FHIP1A: variants seen among roughly 807,000 people sequenced by gnomAD.
FHIP1A encodes the protein FHF complex subunit HOOK-interacting protein 1A.
FHIP1A carries 61 observed loss-of-function variants against 88.6 expected under a neutral mutation model. That is an observed-to-expected ratio of 0.69 (90% CI 0.56 to 0.85). The LOEUF (loss-of-function observed/expected upper bound fraction) is 0.85. Among genes scored for constraint, FHIP1A ranks in the 40% least tolerant of loss-of-function variants. FHIP1A has a pLI of 0.00. For synonymous variants in FHIP1A, 478 were observed against 496.0 expected, an observed-to-expected ratio of 0.96 and a Z score of 0.48; for missense variants, 1,154 against 1,273.5, an observed-to-expected ratio of 0.91 and a Z score of 1.43.
intron 8 of FHIP1A, among the ~76,000 whole-genome samples, chr4:151,634,881 A>G (rs1171380097): frequency 6.6e-6 from 1 of 151,882 alleles, no homozygotes; most frequent in Non-Finnish European, 1.5e-5. Flanking sequence ...GCGTAGGGAA[A>G]AATAAGACAG....
intron 6 of FHIP1A, among the ~76,000 whole-genome samples, chr4:151,587,643 A>G (rs1734271114): frequency 6.6e-6 from 1 of 151,948 alleles, no homozygotes; most frequent in African/African-American, 2.4e-5. Flanking sequence ...CATTAGGTAT[A>G]TCTCCTAAGA....
chr4:151,610,464 A>G (rs528645771), intron 7 of FHIP1A, among the ~76,000 whole-genome samples: 46 of 152,350 alleles, frequency 3.0e-4, no homozygotes, highest in African/African-American at 1.1e-3. Flanking sequence ...AGAGAATTGT[A>G]GAAATCAGGT....
chr4:151,555,016 T>C (rs1732891133), intron 3 of FHIP1A, among the ~76,000 whole-genome samples: 1 of 152,196 alleles, frequency 6.6e-6, no homozygotes, highest in African/African-American at 2.4e-5. Flanking sequence ...TAATCACTTT[T>C]TTGGGATAGC....
intron 3 of FHIP1A, among the ~76,000 whole-genome samples, chr4:151,490,188 A>G (rs1028155388): frequency 3.3e-5 from 5 of 152,218 alleles, no homozygotes; most frequent in Admixed American, 2.0e-4. Context: ...CACAGCTAGC[A>G]TAACCAGCAT....
intron 3 of FHIP1A, among the ~76,000 whole-genome samples, chr4:151,504,826 C>T (rs1690541364): frequency 6.6e-6 from 1 of 152,138 alleles, no homozygotes; most frequent in Admixed American, 6.5e-5. Context: ...CCACGTTGGC[C>T]AGGCTGGTCT....
intron 1 of FHIP1A, among the ~76,000 whole-genome samples, chr4:151,424,056 T>A (rs1452117044): frequency 6.6e-6 from 1 of 152,220 alleles, no homozygotes. Flanking sequence ...CCACCTACAC[T>A]TTCTGTCTTA....
intron 1 of FHIP1A, among the ~76,000 whole-genome samples, chr4:151,415,425 G>T (rs1554075984): frequency 6.6e-6 from 1 of 152,080 alleles, no homozygotes; most frequent in Non-Finnish European, 1.5e-5. Context: ...TGATCCACCT[G>T]CCTTGACCTC....
At chr4:151,582,354 C>CT (rs777112894) in intron 5 of FHIP1A, among the ~76,000 whole-genome samples, 2,921 of 145,704 alleles carry the variant, frequency 0.02, 45 homozygotes, top group African/African-American at 0.047. Flanking sequence ...ATCTTTCTTT[C>CT]TTTTTTTTTT....
In FHIP1A at chr4:151,596,890, T is replaced by C. The variant is rs575516730; in HGVS notation, c.978+7964T>C. 7.9e-5 allele frequency among the ~76,000 whole-genome samples: 12 copies of C among 152,302 alleles called. No homozygotes were observed. In the South Asian group the frequency reaches 2.5e-3, roughly 32 times the overall value. ...CAGCTCCATCAGGTCATTTACATTC[T>C]TTTCTAAACTGGTTATTCTAGGTAG... is the stretch of plus-strand genomic sequence containing the variant. On this transcript the variant is annotated intron_variant, in intron 7 of 13. Coordinates refer to ENST00000435205, the MANE Select transcript of FHIP1A (RefSeq NM_001109977.3).
At chr4:151,558,532 C>CAGACA (rs1553953687) in intron 3 of FHIP1A, among the ~76,000 whole-genome samples, 1 of 151,062 alleles carries the variant, frequency 6.6e-6, no homozygotes, top group Non-Finnish European at 1.5e-5. Flanking sequence ...CATCCTGTCT[C>CAGACA]AAACAAAACA....
At chr4:151,561,460 A>G (rs926254728) in intron 3 of FHIP1A, among the ~76,000 whole-genome samples, 1 of 142,424 alleles carries the variant, frequency 7.0e-6, no homozygotes, top group East Asian at 1.9e-4. Flanking sequence ...ATTTAGGTTT[A>G]ATAGGATTTT....
In FHIP1A at chr4:151,649,383, G is replaced by A. The variant is rs10014639; in HGVS notation, c.1418-76G>A. 7.9e-3 allele frequency: 8,428 copies of A among 1,060,796 alleles called. 421 individuals carry two copies. The African/African-American group carries it at 0.11, about 14-fold the overall frequency. 65.7% of individuals were successfully genotyped at this position (1,060,796 alleles called of 1,614,324 possible). On this transcript the variant is annotated intron_variant, in intron 10 of 13. Transcript: ENST00000435205. Reference sequence around the variant, plus strand: ...AGCTGGCAAGACACAGTCTTAGCCCGAATGGGTCACAACCCCATCCACTAC... The same window carrying A: ...AGCTGGCAAGACACAGTCTTAGCCCAAATGGGTCACAACCCCATCCACTAC...
intron 1 of FHIP1A, among the ~76,000 whole-genome samples, chr4:151,430,733 G>T (rs1395277231): frequency 6.6e-6 from 1 of 152,160 alleles, no homozygotes; most frequent in African/African-American, 2.4e-5. Context: ...GCTCCATTCA[G>T]CTGACCCTCA....
At chr4:151,448,586 C>T (rs1356678045) in intron 1 of FHIP1A, among the ~76,000 whole-genome samples, 2 of 152,222 alleles carry the variant, frequency 1.3e-5, no homozygotes, top group African/African-American at 4.8e-5. Flanking sequence ...TGGCTTATTT[C>T]ACTTAGCATA....
At chr4:151,453,302 C>T (rs1728860441) in intron 1 of FHIP1A, among the ~76,000 whole-genome samples, 1 of 152,150 alleles carries the variant, frequency 6.6e-6, no homozygotes, top group African/African-American at 2.4e-5. Flanking sequence ...AGGCATGAGC[C>T]ACTGCACCTG....
intron 1 of FHIP1A, among the ~76,000 whole-genome samples, chr4:151,415,899 T>C (rs1048638789): frequency 6.6e-6 from 1 of 152,122 alleles, no homozygotes; most frequent in Admixed American, 6.5e-5. Flanking sequence ...AAAAATACTC[T>C]GCAGCTGTTG....
intron 3 of FHIP1A, among the ~76,000 whole-genome samples, chr4:151,529,739 G>T (rs1271725615): frequency 6.6e-6 from 1 of 152,214 alleles, no homozygotes; most frequent in Non-Finnish European, 1.5e-5. Flanking sequence ...ATTCTAGAAG[G>T]ATGGAGGTTA....
intron 3 of FHIP1A, among the ~76,000 whole-genome samples, chr4:151,535,073 GGT>G (rs1252463101): frequency 7.2e-5 from 11 of 152,028 alleles, no homozygotes; most frequent in Non-Finnish European, 1.5e-5. Context: ...AAATCAGCCG[GGT>G]GTGGTGGTGC....
chr4:151,646,890 C>A, intron 10 of FHIP1A, 142 bp downstream of exon 10: 1 of 610,406 alleles, frequency 1.6e-6, no homozygotes, highest in Non-Finnish European at 2.9e-6. Flanking sequence ...TCCTTTTCTG[C>A]TTTGTAAGGA....
Sources: gnomAD v4.1 joint callset for allele counts (sites outside exome capture counted in the v4.1 genomes callset) on GRCh38, gnomAD v4.1.1 for gene constraint, MANE v1.5 for transcripts, NCBI Gene and HGNC (gene_info 2026-07-23, HGNC 2026-07-21) for gene names.